FANCA: variants seen among roughly 807,000 people sequenced by gnomAD.
FANCA encodes FA complementation group A.
Under a neutral mutation model 194.3 loss-of-function variants are expected in FANCA, and 236 were observed. The ratio of observed to expected loss-of-function variants is 1.21; its 90% CI spans 1.09 to 1.35. The LOEUF (loss-of-function observed/expected upper bound fraction) is 1.35, where lower values mean the gene tolerates loss of function less well. Among genes scored for constraint, FANCA ranks in the 40% most tolerant of loss-of-function variants. The pLI is 0.00. For synonymous variants in FANCA, 1,014 were observed against 715.8 expected (o/e 1.42, Z -6.65); for missense variants, 2,628 against 1,813.9 (o/e 1.45, Z -8.15).
intron 3 of FANCA, among the ~76,000 whole-genome samples, chr16:89,811,816 C>T (rs1405329631): frequency 6.6e-6 from 1 of 152,080 alleles, no homozygotes; most frequent in Non-Finnish European, 1.5e-5. Flanking sequence ...CTGCAACCTC[C>T]GCCTCTCAGG....
chr16:89,792,550 G>A lies in FANCA; in HGVS notation c.1007-3C>T, dbSNP rs557382436. ...CTGCATCTGAACAGCATCAGATGCT[G>A]CAGGGGGAGAAACAGACAAAAACTT... On this transcript the variant is annotated splice_region_variant and splice_polypyrimidine_tract_variant and intron_variant, in intron 11 of 42. Coordinates refer to ENST00000389301, the MANE Select transcript of FANCA (RefSeq NM_000135.4). 5.6e-6 allele frequency: 9 copies of A among 1,612,706 alleles called. No homozygotes were observed. In the Admixed American group the frequency reaches 1.2e-4, roughly 21 times the overall value.
intron 26 of FANCA, among the ~76,000 whole-genome samples, chr16:89,768,100 T>C (rs917821299): frequency 6.6e-6 from 1 of 152,160 alleles, no homozygotes; most frequent in Non-Finnish European, 1.5e-5. Context: ...CAAGACCAGC[T>C]TGGGCAACAC....
intron 6 of FANCA, 39 bp downstream of exon 6, chr16:89,808,255 T>C (rs1322057642): frequency 1.3e-6 from 2 of 1,590,992 alleles, no homozygotes; most frequent in Non-Finnish European, 1.7e-6. Flanking sequence ...TAGACTAGAC[T>C]GCAAAAACAG....
chr16:89,803,469 C>T (rs1445296361), intron 7 of FANCA, 128 bp from the exon 8 acceptor site: 5 of 827,162 alleles, frequency 6.0e-6, no homozygotes, highest in Non-Finnish European at 1.0e-5. Flanking sequence ...CCCCTGTGAG[C>T]TGCTCCTAAC....
chr16:89,747,821 A>C (rs948365316), intron 33 of FANCA, among the ~76,000 whole-genome samples: 1 of 152,238 alleles, frequency 6.6e-6, no homozygotes, highest in Admixed American at 6.5e-5. Context: ...CTTCGGGAGC[A>C]GAAGCTGCTC....
intron 2 of FANCA, among the ~76,000 whole-genome samples, chr16:89,815,197 C>G (rs999831941): frequency 6.6e-6 from 1 of 151,884 alleles, no homozygotes; most frequent in Admixed American, 6.6e-5. Flanking sequence ...CTACCATACC[C>G]GGCTAATTTT....
Position 89,740,397 on chromosome 16 carries a change from T to C in FANCA, c.3829-298A>G, listed in dbSNP as rs556941655. The C allele has an allele frequency of 2.3e-5, 11 of 482,866 alleles. No individual in the cohort carries two copies. The East Asian group carries it at 3.7e-4, about 16-fold the overall frequency. 29.9% of individuals were successfully genotyped at this position (482,866 alleles called of 1,614,324 possible). On this transcript the variant is annotated intron_variant, in intron 38 of 42. Coordinates refer to ENST00000389301, the MANE Select transcript of FANCA (RefSeq NM_000135.4). ...GCTCATGCCTGTAATCCCAACACTT[T>C]GGGAGGCCGAGGTCGGCGGATCACT...
intron 14 of FANCA, among the ~76,000 whole-genome samples, chr16:89,786,621 G>A (rs2143489913): frequency 6.6e-6 from 1 of 152,234 alleles, no homozygotes; most frequent in South Asian, 2.1e-4. Context: ...CTGACCATGT[G>A]TAGATTCTTT....
Position 89,750,491 on chromosome 16 carries a change from AC to A in FANCA, c.3067-590del, listed in dbSNP as rs71391278. Among the ~76,000 whole-genome samples the A allele has an allele frequency of 9.0e-5, 9 of 100,114 alleles. 1 individual carries two copies. The East Asian group carries it at 1.2e-3, about 14-fold the overall frequency. The allele number at this position is 100,114 out of a possible 152,430, so 65.7% of individuals were successfully genotyped here. Reference sequence around the variant, plus strand: ...GAGTGAGACTCCGTCTCAAAAAAAAACAAACAAAAAAAAACAGCCAGGTATG... The same window carrying A: ...GAGTGAGACTCCGTCTCAAAAAAAAAAAACAAAAAAAAACAGCCAGGTATG... On this transcript the variant is annotated intron_variant, in intron 31 of 42. Coordinates refer to ENST00000389301, the MANE Select transcript of FANCA (RefSeq NM_000135.4).
At chr16:89,815,090 T>C (rs1368367055) in intron 2 of FANCA, among the ~76,000 whole-genome samples, 1 of 151,994 alleles carries the variant, frequency 6.6e-6, no homozygotes, top group African/African-American at 2.4e-5. Flanking sequence ...CAGGCTGGAG[T>C]GCAATGGCGG....
intron 3 of FANCA, 95 bp downstream of exon 3, chr16:89,814,425 A>AG (rs1318265305): frequency 1.0e-6 from 1 of 978,678 alleles, no homozygotes; most frequent in African/African-American, 1.6e-5. Context: ...CCATCGCCTG[A>AG]GAAAATTTAC....
intron 30 of FANCA, among the ~76,000 whole-genome samples, chr16:89,753,224 T>A (rs1016728540): frequency 3.9e-5 from 6 of 152,206 alleles, no homozygotes; most frequent in Non-Finnish European, 7.3e-5. Flanking sequence ...CCACGTGACC[T>A]TACCTATCAT....
Position 89,738,428 on chromosome 16 carries a change from C to T in FANCA, c.*173G>A. 7.3e-7 allele frequency: 1 copy of T among 1,376,020 alleles called. No individual in the cohort carries two copies. The highest frequency in any genetic ancestry group is 1.3e-5 in the South Asian group (1 of 76,036). 85.2% of individuals were successfully genotyped at this position (1,376,020 alleles called of 1,614,324 possible). A position where few individuals can be genotyped will look rare whatever the true frequency, so the allele number is the denominator to read the frequency against. On this transcript the variant is annotated 3_prime_UTR_variant, in exon 43 of 43. Transcript: ENST00000389301. ...GCTCTGGGACCAGTGGTTTATTTTC[C>T]CGCAAACGCTGAGTGACTCGGGGCC...
chr16:89,771,261 C>T (rs1393387849), intron 23 of FANCA, among the ~76,000 whole-genome samples: 1 of 151,652 alleles, frequency 6.6e-6, no homozygotes. Flanking sequence ...GACTTCTAGA[C>T]CAGTCGAGGC....
chr16:89,797,134 TG>T (rs1246801102), intron 10 of FANCA, among the ~76,000 whole-genome samples: 1 of 151,930 alleles, frequency 6.6e-6, no homozygotes, highest in East Asian at 1.9e-4. Flanking sequence ...CACTCCAGCA[TG>T]GGCGACAGAG....
chr16:89,810,891 A>T (rs370669243), intron 4 of FANCA, 38 bp downstream of exon 4: 12 of 1,614,054 alleles, frequency 7.4e-6, no homozygotes, highest in Non-Finnish European at 9.3e-6. Flanking sequence ...CTTAAAAGTA[A>T]CAACGGGCAG....
chr16:89,808,280 C>T lies in FANCA; in HGVS notation c.596+14G>A, dbSNP rs757255187. ...TGCAAAAACAGTAACACTGAATCAT[C>T]ATTAGCACGCTACCTTTCCAGCAGC... is the stretch of plus-strand genomic sequence containing the variant. On this transcript the variant is annotated intron_variant, in intron 6 of 42. Coordinates refer to ENST00000389301, the MANE Select transcript of FANCA (RefSeq NM_000135.4). 1.2e-5 allele frequency: 20 copies of T among 1,612,688 alleles called. No individual in the cohort carries two copies. In the Admixed American group the frequency reaches 2.2e-4, roughly 17 times the overall value.
intron 28 of FANCA, chr16:89,762,695 C>A (rs1006791157): frequency 4.7e-6 from 2 of 429,816 alleles, no homozygotes; most frequent in Non-Finnish European, 9.4e-6. Context: ...TGCAGTGGTG[C>A]AATCGTAGCT....
At chr16:89,800,563 C>T (rs1215893541) in intron 8 of FANCA, among the ~76,000 whole-genome samples, 1 of 152,168 alleles carries the variant, frequency 6.6e-6, no homozygotes, top group East Asian at 1.9e-4. Flanking sequence ...TTCTAAAATT[C>T]ACATGGAACC....
Sources: allele counts gnomAD v4.1 joint callset (sites outside exome capture counted in the v4.1 genomes callset), GRCh38; gene constraint gnomAD v4.1.1; transcripts MANE v1.5; gene names NCBI Gene and HGNC (gene_info 2026-07-23, HGNC 2026-07-21).